The following METTL15 variants were observed in gnomAD, a reference collection of about 807,000 sequenced individuals.
METTL15 encodes 12S rRNA N(4)-cytidine methyltransferase METTL15.
Under a neutral mutation model 38.3 loss-of-function variants are expected in METTL15, and 34 were observed. The observed-to-expected ratio is 0.89, with a 90% CI of 0.68 to 1.18. The LOEUF (loss-of-function observed/expected upper bound fraction) is 1.18, where lower values mean the gene tolerates loss of function less well. Among genes scored for constraint, METTL15 ranks in the 50% most tolerant of loss-of-function variants. The pLI, the probability that METTL15 is intolerant of heterozygous loss-of-function variation, is 0.00. For synonymous variants in METTL15, 162 were observed against 170.9 expected (o/e 0.95, Z 0.41); for missense variants, 438 against 498.4 (o/e 0.88, Z 1.15).
intron 4 of METTL15, among the ~76,000 whole-genome samples, chr11:28,221,641 A>G (rs1853227979): frequency 1.3e-5 from 2 of 151,928 alleles, no homozygotes; most frequent in African/African-American, 4.8e-5. Context: ...TATTTTTAGA[A>G]TTTCCAGTTT....
intron 6 of METTL15, among the ~76,000 whole-genome samples, chr11:28,434,008 A>G (rs142333828): frequency 2.0e-5 from 3 of 152,300 alleles, no homozygotes; most frequent in Admixed American, 6.5e-5. Flanking sequence ...GAACTGTTCT[A>G]TGATGGTGAT....
At chr11:28,455,267 T>C (rs1851158183) in intron 6 of METTL15, among the ~76,000 whole-genome samples, 1 of 150,588 alleles carries the variant, frequency 6.6e-6, no homozygotes, top group African/African-American at 2.5e-5. Flanking sequence ...ACAGAGATTA[T>C]TTTAGCCCAT....
chr11:28,468,190 A>G (rs1851273663), intron 6 of METTL15, among the ~76,000 whole-genome samples: 1 of 152,174 alleles, frequency 6.6e-6, no homozygotes, highest in South Asian at 2.1e-4. Flanking sequence ...ATAAGCCCTC[A>G]GCCTTCTTTT....
At chr11:28,397,419 G>T (rs1457404657) in intron 5 of METTL15, among the ~76,000 whole-genome samples, 1 of 152,042 alleles carries the variant, frequency 6.6e-6, no homozygotes, top group Non-Finnish European at 1.5e-5. Flanking sequence ...GCCCCATCAA[G>T]TGGGTGAAAG....
At chr11:28,276,948 A>G (rs187863493) in intron 4 of METTL15, among the ~76,000 whole-genome samples, 42 of 152,304 alleles carry the variant, frequency 2.8e-4, no homozygotes, top group Admixed American at 9.2e-4. Flanking sequence ...GAGAGCGGAA[A>G]CTATTAAAAA....
At chr11:28,237,975 G>A (rs1318192403) in intron 4 of METTL15, among the ~76,000 whole-genome samples, 1 of 152,114 alleles carries the variant, frequency 6.6e-6, no homozygotes, top group East Asian at 1.9e-4. Context: ...TTTTTTCTCA[G>A]AGGAGTACCC....
At chr11:28,452,023 C>A (rs140245326) in intron 6 of METTL15, among the ~76,000 whole-genome samples, 31 of 152,342 alleles carry the variant, frequency 2.0e-4, no homozygotes, top group Non-Finnish European at 4.0e-4. Flanking sequence ...AATGAAGAGC[C>A]TGGAATAACC....
At chr11:28,338,156 C>T (rs1399085332), downstream of METTL15, among the ~76,000 whole-genome samples, 1 of 151,136 alleles carries the variant, frequency 6.6e-6, no homozygotes, top group Non-Finnish European at 1.5e-5. Context: ...CCTTTCTTTG[C>T]TAGTGTCTTT....
intron 3 of METTL15, among the ~76,000 whole-genome samples, chr11:28,208,127 T>G (rs1852446604): frequency 6.6e-6 from 1 of 152,178 alleles, no homozygotes; most frequent in Non-Finnish European, 1.5e-5. Context: ...TGCTCTGATT[T>G]TAATTATTTC....
chr11:28,395,164 T>A (rs1392166275), intron 5 of METTL15, among the ~76,000 whole-genome samples: 3 of 152,108 alleles, frequency 2.0e-5, no homozygotes, highest in Non-Finnish European at 4.4e-5. Context: ...AGAAGGGACA[T>A]GATTCTGCTT....
intron 3 of METTL15, among the ~76,000 whole-genome samples, chr11:28,148,525 A>T (rs1304951614): frequency 6.6e-6 from 1 of 151,870 alleles, no homozygotes; most frequent in Non-Finnish European, 1.5e-5. Flanking sequence ...AGCATTATTT[A>T]ATTCTGTAAT....
At chr11:28,524,230 C>T (rs924033502) in intron 6 of METTL15, among the ~76,000 whole-genome samples, 14 of 152,062 alleles carry the variant, frequency 9.2e-5, no homozygotes, top group African/African-American at 3.1e-4. Context: ...AGACCATGAA[C>T]GATAATAGAT....
chr11:28,306,937 G>A (rs1294348420), intron 6 of METTL15, among the ~76,000 whole-genome samples: 1 of 151,670 alleles, frequency 6.6e-6, no homozygotes, highest in Non-Finnish European at 1.5e-5. Flanking sequence ...GGAATATCTA[G>A]GAAATGTGTT....
intron 6 of METTL15, among the ~76,000 whole-genome samples, chr11:28,309,043 A>G (rs1857182119): frequency 6.6e-6 from 1 of 152,118 alleles, no homozygotes; most frequent in Non-Finnish European, 1.5e-5. Context: ...TCTGGCTCAG[A>G]CTTATGTTTC....
intron 3 of METTL15, among the ~76,000 whole-genome samples, chr11:28,172,968 T>A (rs1465490796): frequency 6.6e-6 from 1 of 152,188 alleles, no homozygotes; most frequent in Non-Finnish European, 1.5e-5. Flanking sequence ...AATGAGTGAT[T>A]GGGACAACTG....
intron 6 of METTL15, among the ~76,000 whole-genome samples, chr11:28,488,553 G>A (rs2582905): frequency 0.59 from 88,977 of 151,994 alleles, 27,509 homozygotes; most frequent in African/African-American, 0.79. Flanking sequence ...CATAGTTGAC[G>A]CTACATTGCT....
intron 3 of METTL15, among the ~76,000 whole-genome samples, chr11:28,141,962 G>T (rs909336557): frequency 2.6e-5 from 4 of 152,112 alleles, no homozygotes; most frequent in African/African-American, 9.7e-5. Context: ...GGTTAGCTTG[G>T]CCTACACGGA....
chr11:28,203,402 A>G (rs537977092), intron 3 of METTL15, among the ~76,000 whole-genome samples: 2 of 152,218 alleles, frequency 1.3e-5, no homozygotes, highest in African/African-American at 2.4e-5. Flanking sequence ...GGTTGGTAGA[A>G]CACTGGTTGT....
intron 4 of METTL15, among the ~76,000 whole-genome samples, chr11:28,215,960 A>G (rs1000526495): frequency 2.0e-5 from 3 of 152,114 alleles, no homozygotes; most frequent in African/African-American, 7.2e-5. Context: ...AGCTGTAGTC[A>G]TGACATTGCG....
Sources: gnomAD v4.1 joint callset for allele counts (sites outside exome capture counted in the v4.1 genomes callset) on GRCh38, gnomAD v4.1.1 for gene constraint, MANE v1.5 for transcripts, NCBI Gene and HGNC (gene_info 2026-07-23, HGNC 2026-07-21) for gene names.